The following SAFB variants were observed in gnomAD, a reference collection of about 807,000 sequenced individuals.
SAFB encodes scaffold attachment factor B.
In SAFB, 15 loss-of-function variants were observed where a neutral mutation model predicts 101.6. That is an observed-to-expected ratio of 0.15 (90% CI 0.10 to 0.23). The LOEUF is 0.23. Ranked by LOEUF, SAFB falls within the 10% of genes least tolerant of loss-of-function variation. The pLI, the probability that SAFB is intolerant of heterozygous loss-of-function variation, is 1.00. For synonymous variants in SAFB, 449 were observed against 407.5 expected, an observed-to-expected ratio of 1.10 and a Z score of -1.23; for missense variants, 930 against 1,104.1, an observed-to-expected ratio of 0.84 and a Z score of 2.23.
rs766927931 is a variant in SAFB, at chr19:5,668,252, G to T, written c.2715G>T (p.Gly905=). The T allele has an allele frequency of 6.2e-7, 1 of 1,611,886 alleles. No individual in the cohort carries two copies. Among genetic ancestry groups the T allele is most frequent in the East Asian group, 2.2e-5 (1 of 44,828 alleles). The part of the protein sequence containing the change: ...MQGGFGGQSR[G]SRPSDARFTR... The stretch of plus-strand genomic sequence containing the variant: ...GCGGGTTTGGAGGCCAGAGCCGGGG[G>T]AGCAGGCCCAGCGATGCCCGCTTCA... Residue 905 remains glycine (G), a synonymous_variant, in exon 21 of 21, where the codon GGG becomes GGT. Coordinates refer to ENST00000588852, the MANE Select transcript of SAFB (RefSeq NM_001201338.2).
chr19:5,626,322 A>G (rs1235996298), intron 1 of SAFB, 83 bp from the exon 2 acceptor site: 12 of 793,064 alleles, frequency 1.5e-5, no homozygotes, highest in South Asian at 9.0e-5. Context: ...TTAAAAATAC[A>G]GTTTCCTTGT....
chr19:5,634,140 A>C (rs2053547656), intron 2 of SAFB, among the ~76,000 whole-genome samples: 1 of 152,120 alleles, frequency 6.6e-6, no homozygotes, highest in Non-Finnish European at 1.5e-5. Context: ...GAAATTTTCA[A>C]GTCCTGCGAA....
chr19:5,650,897 T>C (rs1357755516), intron 8 of SAFB, 81 bp from the exon 9 acceptor site: 5 of 910,012 alleles, frequency 5.5e-6, no homozygotes, highest in South Asian at 3.2e-5. Flanking sequence ...ATGGGAACCA[T>C]GTCTCTTTTG....
intron 8 of SAFB, among the ~76,000 whole-genome samples, chr19:5,650,592 T>C (rs2053917491): frequency 6.6e-6 from 1 of 152,160 alleles, no homozygotes; most frequent in Admixed American, 6.5e-5. Context: ...TTTGTATTTT[T>C]AGTAGACATG....
intron 17 of SAFB, chr19:5,666,150 A>G (rs2054323279): frequency 1.3e-5 from 2 of 152,220 alleles, no homozygotes; most frequent in African/African-American, 2.4e-5. Flanking sequence ...GAGACCACAT[A>G]TGTATTGGTG....
Position 5,651,086 on chromosome 19 carries a change from C to T in SAFB, c.1293+14C>T. 1 of 1,537,838 alleles carries T rather than the reference C, an allele frequency of 6.5e-7. No individual in the cohort carries two copies. The highest frequency in any genetic ancestry group is 8.9e-7 in the Non-Finnish European group (1 of 1,119,038). Reference sequence around the variant, plus strand: ...AAATATGGGAAGGTAAGTGCCAGAGCTTTTCTGGAGAAGATACTTTGAAAC... The same window carrying T: ...AAATATGGGAAGGTAAGTGCCAGAGTTTTTCTGGAGAAGATACTTTGAAAC... On this transcript the variant is annotated intron_variant, in intron 9 of 20. Coordinates refer to ENST00000588852, the MANE Select transcript of SAFB (RefSeq NM_001201338.2).
At chr19:5,626,527 C>T in intron 2 of SAFB, 38 bp downstream of exon 2, 2 of 1,246,626 alleles carry the variant, frequency 1.6e-6, no homozygotes, top group Non-Finnish European at 2.4e-6. Context: ...ATGTTAAGTG[C>T]TTTCTTCAAA....
chr19:5,638,973 C>T (rs529296440), intron 2 of SAFB, among the ~76,000 whole-genome samples: 12 of 152,198 alleles, frequency 7.9e-5, no homozygotes, highest in Admixed American at 6.5e-4. Flanking sequence ...ATGATCCACC[C>T]GCCTTGGCCT....
In SAFB at chr19:5,667,104, G is replaced by T. The variant is rs2054344674; in HGVS notation, c.2393G>T (p.Trp798Leu). The change falls in exon 18 of 21, where the codon TGG (tryptophan) becomes TTG (leucine). Residue 798 changes from tryptophan (W) to leucine (L), a missense_variant. By Grantham distance (61) the Trp-to-Leu change is moderately conservative (BLOSUM62 -2). Around this residue, in one of 7 missense-constraint regions of SAFB, gnomAD observed 318 missense variants for 342.6 expected, o/e 0.93. Coordinates refer to ENST00000588852, the MANE Select transcript of SAFB (RefSeq NM_001201338.2). This position sits in a 1 kb window ranked among gnomAD's most constrained non-coding sequence, Gnocchi z 4.0. The stretch of plus-strand genomic sequence containing the variant: ...CACGGCCGGGACTCCCGCGATGGCT[G>T]GGGGGGCTATGGCTCTGACAAGAGG... The part of the protein sequence containing the change: ...ERHGRDSRDG[W>L]GGYGSDKRMS... 8 of 1,609,768 alleles carry T rather than the reference G, an allele frequency of 5.0e-6. No homozygotes were observed. The highest frequency in any genetic ancestry group is 6.8e-6 in the Non-Finnish European group (8 of 1,176,990).
At chr19:5,630,670 C>T (rs995198753) in intron 2 of SAFB, among the ~76,000 whole-genome samples, 2 of 151,140 alleles carry the variant, frequency 1.3e-5, no homozygotes, top group East Asian at 1.9e-4. Flanking sequence ...GCAGGAAAAT[C>T]GCTTGAACCC....
intron 2 of SAFB, among the ~76,000 whole-genome samples, chr19:5,635,300 C>T (rs2485274): frequency 0.058 from 8,856 of 152,098 alleles, 349 homozygotes; most frequent in Middle Eastern, 0.12. Flanking sequence ...TGGATCAATA[C>T]GCAGTACATA....
At chr19:5,629,884 A>T (rs1439181161) in intron 2 of SAFB, among the ~76,000 whole-genome samples, 1 of 151,802 alleles carries the variant, frequency 6.6e-6, no homozygotes. Flanking sequence ...TCTACTAAAA[A>T]TACAGAAATT....
intron 16 of SAFB, 47 bp downstream of exon 16, chr19:5,664,206 C>T (rs767232441): frequency 3.1e-6 from 5 of 1,597,534 alleles, no homozygotes; most frequent in Non-Finnish European, 4.3e-6. Flanking sequence ...TTTCCTGGCT[C>T]ATTCTGACTG....
intron 6 of SAFB, chr19:5,648,709 G>T: frequency 1.8e-6 from 1 of 563,014 alleles, no homozygotes; most frequent in Non-Finnish European, 3.2e-6. Flanking sequence ...ATATCTAAAC[G>T]ACGACAGAAT....
intron 1 of SAFB, among the ~76,000 whole-genome samples, chr19:5,625,667 G>A (rs1031812687): frequency 2.6e-5 from 4 of 152,224 alleles, no homozygotes; most frequent in Admixed American, 2.6e-4. Flanking sequence ...CTTAGTTGAT[G>A]CCAGGCACTG....
At chr19:5,641,181 T>G (rs2053704943) in intron 2 of SAFB, among the ~76,000 whole-genome samples, 1 of 152,204 alleles carries the variant, frequency 6.6e-6, no homozygotes, top group South Asian at 2.1e-4. Flanking sequence ...TTCTTTTTTC[T>G]TTTTAAGCAT....
chr19:5,657,406 TC>T (rs2054088177), intron 14 of SAFB, 59 bp downstream of exon 14: 1 of 1,189,570 alleles, frequency 8.4e-7, no homozygotes, highest in East Asian at 2.4e-5. Context: ...ATGACTGTCT[TC>T]TGGAAGGATG....
chr19:5,634,438 A>C (rs912864392), intron 2 of SAFB, among the ~76,000 whole-genome samples: 2 of 152,070 alleles, frequency 1.3e-5, no homozygotes, highest in African/African-American at 4.8e-5. Flanking sequence ...CTCTAATCTT[A>C]TCTCTTCTTG....
At chr19:5,629,915 G>A (rs371810410) in intron 2 of SAFB, among the ~76,000 whole-genome samples, 38 of 152,270 alleles carry the variant, frequency 2.5e-4, no homozygotes, top group Middle Eastern at 3.4e-3. Context: ...GGTGGTGGGC[G>A]CCTGTAATCC....
Sources: gnomAD v4.1 joint callset for allele counts (sites outside exome capture counted in the v4.1 genomes callset) on GRCh38, gnomAD v4.1.1 for gene constraint, gnomAD v4.1.1 regional missense constraint, Gnocchi (gnomAD v3.1) non-coding constraint, MANE v1.5 for transcripts, NCBI Gene and HGNC (gene_info 2026-07-23, HGNC 2026-07-21) for gene names.